The following L3MBTL1 variants were observed in gnomAD, a reference collection of about 807,000 sequenced individuals.
L3MBTL1 encodes lethal(3)malignant brain tumor-like protein 1.
Under a neutral mutation model 105.3 loss-of-function variants are expected in L3MBTL1, and 75 were observed. The ratio of observed to expected loss-of-function variants is 0.71; its 90% CI spans 0.59 to 0.86. The LOEUF (loss-of-function observed/expected upper bound fraction) is 0.86, where lower values mean the gene tolerates loss of function less well. Ranked by LOEUF, L3MBTL1 falls within the 40% of genes least tolerant of loss-of-function variation. L3MBTL1 has a pLI of 0.00. For synonymous variants in L3MBTL1, 452 were observed against 436.2 expected (o/e 1.04, Z -0.45); for missense variants, 1,069 against 1,126.4 (o/e 0.95, Z 0.73).
intron 1 of L3MBTL1, among the ~76,000 whole-genome samples, chr20:43,512,445 A>G (rs1051848727): frequency 5.9e-5 from 9 of 152,226 alleles, no homozygotes; most frequent in Non-Finnish European, 1.3e-4. Context: ...TCCTGGGCTC[A>G]AGCCATCCTC....
intron 7 of L3MBTL1, among the ~76,000 whole-genome samples, chr20:43,527,722 CT>C (rs113455397): frequency 0.013 from 1,895 of 141,490 alleles, 10 homozygotes; most frequent in Non-Finnish European, 0.018. Context: ...AAAAGTGTTT[CT>C]TTTTTTTTTT....
chr20:43,515,731 CA>C (rs2145384315), intron 6 of L3MBTL1, among the ~76,000 whole-genome samples: 1 of 152,314 alleles, frequency 6.6e-6, no homozygotes, highest in South Asian at 2.1e-4. Flanking sequence ...GTGCCTAGGC[CA>C]AAGGCCAGGG....
At chr20:43,520,471 TCA>T (rs2145407863) in intron 7 of L3MBTL1, among the ~76,000 whole-genome samples, 1 of 152,324 alleles carries the variant, frequency 6.6e-6, no homozygotes, top group South Asian at 2.1e-4. Flanking sequence ...TGAGGAACTG[TCA>T]CACTGTTTTT....
chr20:43,515,163 A>G lies in L3MBTL1; in HGVS notation c.653+4A>G. 1.2e-6 allele frequency: 2 copies of G among 1,614,104 alleles called. No homozygotes were observed. Among genetic ancestry groups the G allele is most frequent in the Non-Finnish European group, 1.7e-6 (2 of 1,179,988 alleles). ...GCCCTCAGCTGTTCCAGGAGCGGTA[A>G]GGGGAGGAGGTCGCAGCCCTACTTG... On this transcript the variant is annotated splice_donor_region_variant and intron_variant, in intron 5 of 21. Transcript: ENST00000418998.
intron 12 of L3MBTL1, 104 bp from the exon 13 acceptor site, chr20:43,533,238 C>CA: frequency 2.0e-6 from 2 of 1,000,484 alleles, no homozygotes; most frequent in Non-Finnish European, 3.0e-6. Flanking sequence ...GTCTCCCTCT[C>CA]ACTAAGAAGT....
chr20:43,513,829 T>C lies in L3MBTL1; in HGVS notation c.137-9T>C. On this transcript the variant is annotated splice_polypyrimidine_tract_variant and intron_variant, in intron 2 of 21. Transcript: ENST00000418998. The stretch of plus-strand genomic sequence containing the variant: ...CCTGTGTCGTGTCTATTTGTATATC[T>C]GTTTACAGCCAGTTCGGCCACCCTC... 1 of 1,550,528 alleles carries C rather than the reference T, an allele frequency of 6.4e-7. No homozygotes were observed. Among genetic ancestry groups the C allele is most frequent in the Non-Finnish European group, 8.7e-7 (1 of 1,146,880 alleles).
chr20:43,516,354 G>A (rs1415434141), intron 7 of L3MBTL1, among the ~76,000 whole-genome samples, 177 bp downstream of exon 7: 1 of 152,190 alleles, frequency 6.6e-6, no homozygotes, highest in Admixed American at 6.6e-5. Flanking sequence ...TTGTGTATTA[G>A]TGTATGTATT....
At chr20:43,542,862 G>C (rs902832600), downstream of L3MBTL1, among the ~76,000 whole-genome samples, 3 of 152,122 alleles carry the variant, frequency 2.0e-5, no homozygotes, top group African/African-American at 4.8e-5. Flanking sequence ...TGTATCTGTA[G>C]TTTGTTTATT....
chr20:43,549,730 ATGTG>A (rs11469857), exon 19 of L3MBTL1: 63 of 148,822 alleles, frequency 4.2e-4, no homozygotes, highest in East Asian at 1.4e-3. Context: ...GTGTGTGTGC[ATGTG>A]TGTGTGTGTG....
chr20:43,546,288 G>A (rs907981949), downstream of L3MBTL1, among the ~76,000 whole-genome samples: 8 of 152,330 alleles, frequency 5.3e-5, no homozygotes, highest in African/African-American at 1.9e-4. Flanking sequence ...GTGGGGCAGG[G>A]CCAGGCTTGG....
chr20:43,534,496 G>A (rs529067027), intron 15 of L3MBTL1, 102 bp downstream of exon 15: 1 of 898,856 alleles, frequency 1.1e-6, no homozygotes, highest in East Asian at 2.5e-5. Context: ...GAGAGATGAA[G>A]CCAAAGATCT....
chr20:43,509,676 T>C (rs1316746036), intron 1 of L3MBTL1, among the ~76,000 whole-genome samples: 1 of 152,254 alleles, frequency 6.6e-6, no homozygotes, highest in Non-Finnish European at 1.5e-5. Context: ...AGAATGGTGG[T>C]GACACCTACT....
At chr20:43,507,821 G>T (rs1006012717) in intron 1 of L3MBTL1, 77 bp downstream of exon 1, 4 of 152,098 alleles carry the variant, frequency 2.6e-5, no homozygotes, top group South Asian at 4.1e-4. Flanking sequence ...CCAGGGCGGC[G>T]AGGGCTCAGG....
chr20:43,515,894 ATGCTCATG>A (rs1391030898), intron 6 of L3MBTL1, 191 bp from the exon 7 acceptor site: 2 of 572,298 alleles, frequency 3.5e-6, no homozygotes, highest in African/African-American at 3.7e-5. Flanking sequence ...TAGGATGTGC[ATGCTCATG>A]TGAGTCTGTG....
intron 7 of L3MBTL1, among the ~76,000 whole-genome samples, chr20:43,519,201 G>T (rs1157310819): frequency 6.6e-6 from 1 of 151,784 alleles, no homozygotes; most frequent in African/African-American, 2.4e-5. Context: ...GCTGGGCATG[G>T]TGTTGAGCAT....
At chr20:43,525,589 T>C (rs1460146586) in intron 7 of L3MBTL1, among the ~76,000 whole-genome samples, 3 of 152,146 alleles carry the variant, frequency 2.0e-5, no homozygotes, top group Non-Finnish European at 2.9e-5. Context: ...TACTTGGGTT[T>C]AGGGATATGC....
At chr20:43,529,440 T>C (rs2019212492) in intron 9 of L3MBTL1, 72 bp downstream of exon 9, 1 of 1,091,200 alleles carries the variant, frequency 9.2e-7, no homozygotes, top group Non-Finnish European at 1.4e-6. Flanking sequence ...GCTGGGGACA[T>C]AGAAGGAAAC....
At chr20:43,512,881 C>T (rs1259439605) in intron 1 of L3MBTL1, among the ~76,000 whole-genome samples, 2 of 152,264 alleles carry the variant, frequency 1.3e-5, no homozygotes, top group Admixed American at 6.5e-5. Flanking sequence ...TATGTCTCTG[C>T]TCTTCAGATG....
At chr20:43,513,691 C>T in intron 2 of L3MBTL1, 52 bp downstream of exon 2, 1 of 1,549,202 alleles carries the variant, frequency 6.5e-7, no homozygotes, top group Non-Finnish European at 8.7e-7. Context: ...TCTGTACCTG[C>T]TCAAGCAAGT....
Sources: allele counts gnomAD v4.1 joint callset (sites outside exome capture counted in the v4.1 genomes callset), GRCh38; gene constraint gnomAD v4.1.1; transcripts MANE v1.5; gene names NCBI Gene and HGNC (gene_info 2026-07-23, HGNC 2026-07-21).